The following SNX29 variants were observed in gnomAD, a reference collection of about 807,000 sequenced individuals.
SNX29 encodes the protein sorting nexin-29.
Under a neutral mutation model 102.1 loss-of-function variants are expected in SNX29, and 78 were observed. The observed-to-expected ratio is 0.76, with a 90% confidence interval of 0.64 to 0.92. The LOEUF is 0.92. SNX29 is among the 40% of genes least tolerant of loss of function. SNX29 has a pLI of 0.00. For synonymous variants in SNX29, 580 were observed against 414.5 expected, an observed-to-expected ratio of 1.40 and a Z score of -4.85; for missense variants, 1,280 against 1,061.7, an observed-to-expected ratio of 1.21 and a Z score of -2.86.
intron 20 of SNX29, among the ~76,000 whole-genome samples, chr16:12,552,536 GAT>G (rs1012116194): frequency 2.6e-5 from 4 of 152,302 alleles, no homozygotes; most frequent in African/African-American, 9.6e-5. Flanking sequence ...ATTTCTCAGT[GAT>G]GTCCCCAGCA....
chr16:12,295,704 C>T (rs556510450), intron 15 of SNX29, among the ~76,000 whole-genome samples: 3 of 152,284 alleles, frequency 2.0e-5, no homozygotes, highest in Admixed American at 2.0e-4. Context: ...CTGGGTCACA[C>T]AGGCAACTCT....
intron 20 of SNX29, among the ~76,000 whole-genome samples, chr16:12,566,030 G>T (rs1358722110): frequency 6.6e-6 from 1 of 152,194 alleles, no homozygotes; most frequent in African/African-American, 2.4e-5. Context: ...TGGTGACACA[G>T]GTCATGTGTT....
chr16:12,196,170 T>C (rs549883622), intron 13 of SNX29, among the ~76,000 whole-genome samples: 1 of 152,086 alleles, frequency 6.6e-6, no homozygotes, highest in East Asian at 1.9e-4. Flanking sequence ...GAGATGGGGT[T>C]TCACCATGTT....
intron 9 of SNX29, among the ~76,000 whole-genome samples, chr16:12,068,043 C>T (rs2051117003): frequency 1.3e-5 from 2 of 152,100 alleles, no homozygotes; most frequent in Admixed American, 6.5e-5. Flanking sequence ...GGAATTAGAC[C>T]ATGCTGCCCT....
chr16:12,242,350 A>AT (rs2078129436), intron 14 of SNX29, among the ~76,000 whole-genome samples: 1 of 135,824 alleles, frequency 7.4e-6, no homozygotes, highest in African/African-American at 3.1e-5. Context: ...ATTATATATA[A>AT]TAATATATAT....
At chr16:12,080,120 G>C (rs74008674) in intron 11 of SNX29, among the ~76,000 whole-genome samples, 33,169 of 152,044 alleles carry the variant, frequency 0.22, 4,095 homozygotes, top group African/African-American at 0.34. Flanking sequence ...AAGCTCCCCC[G>C]ACCTTCACTA....
At chr16:12,261,821 G>T (rs539326349) in intron 14 of SNX29, among the ~76,000 whole-genome samples, 68 of 135,518 alleles carry the variant, frequency 5.0e-4, no homozygotes, top group African/African-American at 1.9e-3. Flanking sequence ...CCCGGCTGGA[G>T]TAAGTGTTTG....
intron 18 of SNX29, 115 bp downstream of exon 18, chr16:12,403,644 C>A: frequency 1.0e-6 from 1 of 974,674 alleles, no homozygotes; most frequent in Non-Finnish European, 1.6e-6. Context: ...AGGCTATGGC[C>A]TTCCAGACAC....
At chr16:12,126,532 C>T (rs541294933) in intron 11 of SNX29, 101 bp from the exon 12 acceptor site, 30 of 1,231,076 alleles carry the variant, frequency 2.4e-5, no homozygotes, top group South Asian at 2.3e-4. Context: ...GGGAACTTAT[C>T]TAGACAAGTC....
chr16:12,323,455 C>T (rs2081023475), intron 15 of SNX29, among the ~76,000 whole-genome samples: 1 of 151,252 alleles, frequency 6.6e-6, no homozygotes, highest in African/African-American at 2.4e-5. Flanking sequence ...TCAAAAGTAC[C>T]ATGATGAATA....
chr16:12,028,888 A>G (rs1411016007), intron 4 of SNX29, among the ~76,000 whole-genome samples: 1 of 151,730 alleles, frequency 6.6e-6, no homozygotes, highest in Admixed American at 6.6e-5. Flanking sequence ...AGCTGGGATT[A>G]CAGGTGCCCA....
intron 20 of SNX29, among the ~76,000 whole-genome samples, chr16:12,555,161 C>G (rs904205729): frequency 4.6e-5 from 7 of 151,834 alleles, no homozygotes; most frequent in African/African-American, 1.7e-4. Flanking sequence ...GTGACAGGGT[C>G]TGGCATCAGT....
intron 14 of SNX29, among the ~76,000 whole-genome samples, chr16:12,272,929 C>T (rs759668517): frequency 2.0e-5 from 3 of 152,182 alleles, no homozygotes; most frequent in South Asian, 2.1e-4. Context: ...AGAAAACACA[C>T]GCAACACGCA....
At chr16:12,552,392 G>A (rs766376914) in intron 20 of SNX29, among the ~76,000 whole-genome samples, 1 of 152,216 alleles carries the variant, frequency 6.6e-6, no homozygotes, top group Non-Finnish European at 1.5e-5. Flanking sequence ...ATGGTACCTG[G>A]CGCAGAGCAG....
chr16:12,406,970 G>A (rs1264043633), intron 18 of SNX29, among the ~76,000 whole-genome samples: 2 of 152,222 alleles, frequency 1.3e-5, no homozygotes, highest in Non-Finnish European at 2.9e-5. Flanking sequence ...CACATGCTGA[G>A]CAGCCAGACG....
chr16:12,096,341 C>T lies in SNX29; in HGVS notation c.1402+17426C>T, dbSNP rs1442576840. 6.6e-6 allele frequency among the ~76,000 whole-genome samples: 1 copy of T among 152,242 alleles called. No homozygotes were observed. Among genetic ancestry groups the T allele is most frequent in the East Asian group, 1.9e-4 (1 of 5,198 alleles). ...ATTCATTCACCAAACATTTACCAAA[C>T]ATCTCTCATGTGCTGGGCGCAGTTC... is the stretch of plus-strand genomic sequence containing the variant. On this transcript the variant is annotated intron_variant, in intron 11 of 20. Coordinates refer to ENST00000566228, the MANE Select transcript of SNX29 (RefSeq NM_032167.5). This position sits in a 1 kb window ranked among gnomAD's most constrained non-coding sequence, Gnocchi z 4.2.
At chr16:12,183,357 T>C (rs894742068) in intron 13 of SNX29, among the ~76,000 whole-genome samples, 10 of 152,226 alleles carry the variant, frequency 6.6e-5, no homozygotes, top group Admixed American at 6.5e-4. Flanking sequence ...TCAAACCTGC[T>C]GAAAAGTCCT....
chr16:12,531,105 C>A (rs77285749), intron 20 of SNX29, among the ~76,000 whole-genome samples: 2,974 of 152,302 alleles, frequency 0.02, 61 homozygotes, highest in East Asian at 0.061. Flanking sequence ...TTCCTGACAT[C>A]ACTAAAGCCC....
chr16:12,395,876 A>G (rs1314925807), intron 16 of SNX29, among the ~76,000 whole-genome samples: 1 of 152,252 alleles, frequency 6.6e-6, no homozygotes, highest in Non-Finnish European at 1.5e-5. Flanking sequence ...GAAAGACAGC[A>G]AGAAAAGACA....
Sources: allele counts gnomAD v4.1 joint callset (sites outside exome capture counted in the v4.1 genomes callset), GRCh38; gene constraint gnomAD v4.1.1; non-coding constraint Gnocchi (gnomAD v3.1); transcripts MANE v1.5; gene names NCBI Gene and HGNC (gene_info 2026-07-23, HGNC 2026-07-21).